PUM2: variants seen among roughly 807,000 people sequenced by gnomAD.
PUM2 encodes pumilio homolog 2.
PUM2 carries 57 observed loss-of-function variants against 124.5 expected under a neutral mutation model. The ratio of observed to expected loss-of-function variants is 0.46; its 90% CI spans 0.37 to 0.57. The LOEUF (loss-of-function observed/expected upper bound fraction) is 0.57. Among genes scored for constraint, PUM2 ranks in the 20% least tolerant of loss-of-function variants. The pLI, the probability that PUM2 is intolerant of heterozygous loss-of-function variation, is 0.00. For synonymous variants in PUM2, 460 were observed against 446.1 expected (o/e 1.03, Z -0.39); for missense variants, 1,065 against 1,290.6 (o/e 0.83, Z 2.68).
intron 1 of PUM2, among the ~76,000 whole-genome samples, chr2:20,348,319 T>C (rs976839458): frequency 3.9e-5 from 6 of 152,168 alleles, no homozygotes; most frequent in African/African-American, 1.4e-4. Flanking sequence ...GACAAAGCCA[T>C]GTGAGACTCA....
chr2:20,266,643 T>A (rs1667729691), intron 13 of PUM2, among the ~76,000 whole-genome samples: 1 of 152,244 alleles, frequency 6.6e-6, no homozygotes. Context: ...TTAGACATTT[T>A]AAATTTTGTT....
At chr2:20,339,836 T>C (rs1018911671) in intron 1 of PUM2, among the ~76,000 whole-genome samples, 1 of 152,120 alleles carries the variant, frequency 6.6e-6, no homozygotes, top group Non-Finnish European at 1.5e-5. Flanking sequence ...GCCGAGATCA[T>C]GTGAGCCGAG....
chr2:20,285,520 C>T (rs1672524082), intron 10 of PUM2, among the ~76,000 whole-genome samples: 2 of 152,094 alleles, frequency 1.3e-5, no homozygotes, highest in Non-Finnish European at 2.9e-5. Flanking sequence ...GGTTCAAACT[C>T]CTCAGAGGCA....
chr2:20,305,024 A>G (rs1178803371), intron 7 of PUM2, among the ~76,000 whole-genome samples: 2 of 152,178 alleles, frequency 1.3e-5, no homozygotes, highest in Non-Finnish European at 2.9e-5. Context: ...TCAATAATGA[A>G]TTTGCTTAAC....
In PUM2 at chr2:20,260,463, G is replaced by C; in HGVS notation, c.2229C>G (p.Phe743Leu). The C allele has an allele frequency of 1.2e-6, 2 of 1,606,072 alleles. No individual in the cohort carries two copies. Among genetic ancestry groups the C allele is most frequent in the Non-Finnish European group, 8.5e-7 (1 of 1,173,862 alleles). ...EFSQDQHGSR[F>L]IQQKLERATP... ...TAGCTCTCTCTAGTTTTTGCTGTAT[G>C]AATCTACATAGGGAACATTTTTAAT... is the stretch of plus-strand genomic sequence containing the variant. Residue 743 changes from phenylalanine (F) to leucine (L), a missense_variant, in exon 15 of 21, where the codon TTC becomes TTG. By Grantham distance (22) the Phe-to-Leu change is conservative. Around this residue, in one of 3 missense-constraint regions of PUM2, gnomAD observed 968 missense variants for 1,159.8 expected, o/e 0.83. Transcript: ENST00000361078.
chr2:20,323,453 A>AG (rs1682872466), intron 2 of PUM2, among the ~76,000 whole-genome samples: 1 of 151,790 alleles, frequency 6.6e-6, no homozygotes, highest in South Asian at 2.1e-4. Flanking sequence ...ATCTCAAAAA[A>AG]AAAAAAAAAA....
At chr2:20,316,149 G>C (rs1372796450) in intron 3 of PUM2, among the ~76,000 whole-genome samples, 1 of 152,144 alleles carries the variant, frequency 6.6e-6, no homozygotes, top group Non-Finnish European at 1.5e-5. Flanking sequence ...GGCATATTAT[G>C]TATCACATAT....
chr2:20,260,218 T>C (rs530664161), intron 15 of PUM2, 119 bp downstream of exon 15: 1 of 1,119,550 alleles, frequency 8.9e-7, no homozygotes, highest in East Asian at 2.5e-5. Flanking sequence ...AAATATCTTA[T>C]CCCTGGCTTA....
At chr2:20,335,561 G>C (rs1006018420) in intron 1 of PUM2, among the ~76,000 whole-genome samples, 12 of 152,174 alleles carry the variant, frequency 7.9e-5, no homozygotes, top group African/African-American at 2.9e-4. Context: ...CTTAGCTAGT[G>C]GGTCAACCAA....
chr2:20,290,147 G>A (rs1358051300), intron 10 of PUM2, among the ~76,000 whole-genome samples: 1 of 152,060 alleles, frequency 6.6e-6, no homozygotes, highest in East Asian at 1.9e-4. Flanking sequence ...TTTATACTAG[G>A]CTTTCAAAGA....
intron 1 of PUM2, among the ~76,000 whole-genome samples, chr2:20,337,362 T>C (rs1239766566): frequency 1.3e-5 from 2 of 152,234 alleles, no homozygotes; most frequent in Non-Finnish European, 2.9e-5. Context: ...TGAAATGGCA[T>C]ATTGTTTGGG....
intron 16 of PUM2, among the ~76,000 whole-genome samples, chr2:20,256,523 C>T (rs931173370): frequency 1.2e-4 from 18 of 152,068 alleles, no homozygotes; most frequent in African/African-American, 3.9e-4. Context: ...ATTTATCGGG[C>T]GGTAACTAAC....
intron 1 of PUM2, 158 bp downstream of exon 1, chr2:20,350,439 G>A (rs1331674376): frequency 3.1e-6 from 3 of 963,538 alleles, no homozygotes; most frequent in East Asian, 1.2e-4. Flanking sequence ...CCTGCATTGT[G>A]CGAGCGGGCC....
At chr2:20,326,520 C>T (rs774464646) in intron 2 of PUM2, 3 of 741,240 alleles carry the variant, frequency 4.0e-6, no homozygotes, top group African/African-American at 1.8e-5. Flanking sequence ...TCAAAGTCTA[C>T]GTTAGTAGTA....
intron 14 of PUM2, among the ~76,000 whole-genome samples, chr2:20,260,871 A>G (rs1276547029): frequency 6.6e-6 from 1 of 152,198 alleles, no homozygotes. Flanking sequence ...CAAGAAAGCC[A>G]TTCTGGGTGA....
rs1030479671 is a variant in PUM2 at position 20,312,217 on chromosome 2, CT to C, written c.348+18del. The C allele has an allele frequency of 1.3e-6, 2 of 1,539,550 alleles. No individual in the cohort carries two copies. Among genetic ancestry groups the C allele is most frequent in the African/African-American group, 1.4e-5 (1 of 72,166 alleles). On this transcript the variant is annotated intron_variant, in intron 4 of 20. Transcript: ENST00000361078. ...ACTCTCAAGCAAATATTAAATATTT[CT>C]TTATTCAAAATACTTACAAAATTTC...
intron 1 of PUM2, among the ~76,000 whole-genome samples, chr2:20,336,799 T>G (rs1408526655): frequency 1.3e-4 from 15 of 115,422 alleles, no homozygotes; most frequent in African/African-American, 4.7e-4. Context: ...TGTGTGTGTG[T>G]GTGGTACAGA....
At chr2:20,330,224 G>A (rs949115014) in intron 1 of PUM2, among the ~76,000 whole-genome samples, 2 of 152,100 alleles carry the variant, frequency 1.3e-5, no homozygotes, top group African/African-American at 2.4e-5. Flanking sequence ...TTACACCTGC[G>A]GAAAATATCA....
chr2:20,282,849 T>C, intron 12 of PUM2, 98 bp downstream of exon 12: 1 of 1,315,240 alleles, frequency 7.6e-7, no homozygotes, highest in East Asian at 2.4e-5. Context: ...ATTCCTGTCC[T>C]TCCTATCCTA....
Sources: allele counts gnomAD v4.1 joint callset (sites outside exome capture counted in the v4.1 genomes callset), GRCh38; gene constraint gnomAD v4.1.1; regional missense constraint gnomAD v4.1.1; transcripts MANE v1.5; gene names NCBI Gene and HGNC (gene_info 2026-07-23, HGNC 2026-07-21).